The following KCNIP4 variants were observed in gnomAD, a reference collection of about 807,000 sequenced individuals.
KCNIP4 encodes the protein potassium voltage-gated channel interacting protein 4, also known as Kv channel-interacting protein 4.
KCNIP4 carries 12 observed loss-of-function variants against 34.0 expected under a neutral mutation model. That is an observed-to-expected ratio of 0.35 (90% CI 0.23 to 0.57). KCNIP4 has a LOEUF of 0.57. Among genes scored for constraint, KCNIP4 ranks in the 20% least tolerant of loss-of-function variants. The pLI, the probability that KCNIP4 is intolerant of heterozygous loss-of-function variation, is 0.83. For synonymous variants in KCNIP4, 124 were observed against 102.2 expected, an observed-to-expected ratio of 1.21 and a Z score of -1.29; for missense variants, 238 against 311.7, an observed-to-expected ratio of 0.76 and a Z score of 1.78.
intron 1 of KCNIP4, among the ~76,000 whole-genome samples, chr4:21,589,173 T>C (rs1451604590): frequency 0.14 from 8,198 of 58,456 alleles, 661 homozygotes; most frequent in African/African-American, 0.28. Context: ...TATATATATA[T>C]ATATATATAT....
intron 1 of KCNIP4, among the ~76,000 whole-genome samples, chr4:21,496,586 C>T (rs561771931): frequency 9.8e-4 from 150 of 152,326 alleles, no homozygotes; most frequent in Admixed American, 1.9e-3. Flanking sequence ...AATCGTTTCT[C>T]TCCCATAATA....
intron 1 of KCNIP4, among the ~76,000 whole-genome samples, chr4:20,922,853 A>G (rs1729539727): frequency 6.6e-6 from 1 of 152,152 alleles, no homozygotes; most frequent in Admixed American, 6.6e-5. Flanking sequence ...TGTTTATAGA[A>G]TTTATTTTTC....
At chr4:21,908,996 A>G (rs1728153044) in intron 1 of KCNIP4, among the ~76,000 whole-genome samples, 1 of 152,124 alleles carries the variant, frequency 6.6e-6, no homozygotes, top group Non-Finnish European at 1.5e-5. Context: ...TTTATGTGTC[A>G]TTAGATTAAT....
chr4:20,857,062 G>T (rs373780685), intron 2 of KCNIP4, among the ~76,000 whole-genome samples: 1 of 141,840 alleles, frequency 7.1e-6, no homozygotes, highest in African/African-American at 2.6e-5. Context: ...AAAAAAAAAC[G>T]CCCTTGAAGT....
chr4:20,832,014 A>G (rs1482919483), intron 3 of KCNIP4, among the ~76,000 whole-genome samples: 1 of 152,192 alleles, frequency 6.6e-6, no homozygotes, highest in Non-Finnish European at 1.5e-5. Context: ...AAAAGGACTA[A>G]TCATATCCTT....
At position 21,556,971 on chromosome 4, in the gene KCNIP4, G is replaced by A. The variant is rs118157935; in HGVS notation, c.61+391600C>T. On this transcript the variant is annotated intron_variant, in intron 1 of 8. Transcript: ENST00000382152. ...AGAAAACAAAAATGCATCAGTAGAC[G>A]TTACTTAAAGCTATATAAAAATGTT... is the stretch of plus-strand genomic sequence containing the variant. 1.4e-3 allele frequency among the ~76,000 whole-genome samples: 172 copies of A among 124,836 alleles called. 1 individual carries two copies. The East Asian group carries it at 0.016, about 11-fold the overall frequency. 81.9% of individuals were successfully genotyped at this position (124,836 alleles called of 152,430 possible).
chr4:21,195,221 G>A (rs1165081951), intron 1 of KCNIP4, among the ~76,000 whole-genome samples: 1 of 152,164 alleles, frequency 6.6e-6, no homozygotes, highest in Non-Finnish European at 1.5e-5. Context: ...GGAGGCCAGG[G>A]CAGCAATGCA....
chr4:21,431,241 T>C (rs987708699), intron 1 of KCNIP4, among the ~76,000 whole-genome samples: 2 of 151,874 alleles, frequency 1.3e-5, no homozygotes, highest in Non-Finnish European at 2.9e-5. Context: ...AAGAGGACCA[T>C]GAAAAATTCA....
chr4:21,252,985 G>T (rs764803416), intron 1 of KCNIP4, among the ~76,000 whole-genome samples: 2 of 151,976 alleles, frequency 1.3e-5, no homozygotes, highest in Non-Finnish European at 2.9e-5. Context: ...GGGTTGAAAG[G>T]GATGCTGAGA....
At chr4:21,083,465 T>C (rs1299361797) in intron 1 of KCNIP4, among the ~76,000 whole-genome samples, 2 of 151,848 alleles carry the variant, frequency 1.3e-5, no homozygotes, top group Admixed American at 6.6e-5. Flanking sequence ...ATTATCCAAG[T>C]GGACCCTAGG....
At chr4:20,832,973 G>C (rs944495890) in intron 3 of KCNIP4, among the ~76,000 whole-genome samples, 1 of 152,124 alleles carries the variant, frequency 6.6e-6, no homozygotes, top group African/African-American at 2.4e-5. Flanking sequence ...TCTGCATGGT[G>C]AATAGAGGTT....
At chr4:20,882,106 T>A (rs2149524105) in intron 2 of KCNIP4, among the ~76,000 whole-genome samples, 1 of 152,346 alleles carries the variant, frequency 6.6e-6, no homozygotes, top group Non-Finnish European at 1.5e-5. Context: ...TCTGTTTTTC[T>A]AGAGAATCTT....
At chr4:21,789,474 T>A (rs1720133620) in intron 1 of KCNIP4, among the ~76,000 whole-genome samples, 1 of 152,154 alleles carries the variant, frequency 6.6e-6, no homozygotes, top group Non-Finnish European at 1.5e-5. Context: ...GGGAACATGG[T>A]CTCTTTTTCA....
At chr4:20,741,400 A>T (rs911962005) in intron 5 of KCNIP4, among the ~76,000 whole-genome samples, 1 of 152,132 alleles carries the variant, frequency 6.6e-6, no homozygotes, top group African/African-American at 2.4e-5. Context: ...TCAAATTAAA[A>T]CTCAAGATTG....
chr4:21,706,484 G>A (rs1713276206), intron 1 of KCNIP4, among the ~76,000 whole-genome samples: 1 of 152,132 alleles, frequency 6.6e-6, no homozygotes, highest in Non-Finnish European at 1.5e-5. Context: ...CTCATTTCAA[G>A]ATATATTTCT....
At chr4:21,802,788 G>T (rs1404778656) in intron 1 of KCNIP4, among the ~76,000 whole-genome samples, 3 of 152,070 alleles carry the variant, frequency 2.0e-5, no homozygotes, top group Non-Finnish European at 4.4e-5. Context: ...ATCTAAAAAA[G>T]ATATCATACA....
At chr4:21,129,661 G>T (rs191095135) in intron 1 of KCNIP4, among the ~76,000 whole-genome samples, 99 of 152,332 alleles carry the variant, frequency 6.5e-4, no homozygotes, top group African/African-American at 2.3e-3. Flanking sequence ...TGAACTGGCT[G>T]CTGTTGACTT....
At chr4:21,819,420 C>T (rs1419777498) in intron 1 of KCNIP4, among the ~76,000 whole-genome samples, 2 of 152,180 alleles carry the variant, frequency 1.3e-5, no homozygotes, top group Admixed American at 1.3e-4. Flanking sequence ...CCTGACTACT[C>T]CTTCCAGTAC....
intron 1 of KCNIP4, among the ~76,000 whole-genome samples, chr4:21,348,002 G>A (rs373108245): frequency 2.2e-4 from 34 of 152,242 alleles, no homozygotes; most frequent in African/African-American, 7.0e-4. Flanking sequence ...CCTGCAGGCC[G>A]CTTAAGGACC....
Sources: allele counts gnomAD v4.1 joint callset (sites outside exome capture counted in the v4.1 genomes callset), GRCh38; gene constraint gnomAD v4.1.1; transcripts MANE v1.5; gene names NCBI Gene and HGNC (gene_info 2026-07-23, HGNC 2026-07-21).